NFATC2: variants seen among roughly 807,000 people sequenced by gnomAD.
The protein encoded by NFATC2 is nuclear factor of activated T cells 2.
NFATC2 carries 22 observed loss-of-function variants against 87.3 expected under a neutral mutation model. The ratio of observed to expected loss-of-function variants is 0.25; its 90% CI spans 0.18 to 0.36. The LOEUF (loss-of-function observed/expected upper bound fraction) is 0.36. Ranked by LOEUF, NFATC2 falls within the 10% of genes least tolerant of loss-of-function variation. The pLI, the probability that NFATC2 is intolerant of heterozygous loss-of-function variation, is 1.00. For synonymous variants in NFATC2, 565 were observed against 542.2 expected (o/e 1.04, Z -0.58); for missense variants, 1,149 against 1,259.1 (o/e 0.91, Z 1.32).
chr20:51,410,907 A>G (rs1373653386), intron 9 of NFATC2, among the ~76,000 whole-genome samples: 1 of 152,118 alleles, frequency 6.6e-6, no homozygotes, highest in Non-Finnish European at 1.5e-5. Flanking sequence ...GACTGTATGA[A>G]CCACAGAGCA....
intron 5 of NFATC2, 59 bp downstream of exon 5, chr20:51,473,921 G>A (rs1452394209): frequency 6.4e-7 from 1 of 1,572,010 alleles, no homozygotes; most frequent in Non-Finnish European, 8.7e-7. Flanking sequence ...CTGCTCCCGG[G>A]GGAAGCCCAC....
At chr20:51,506,682 G>A (rs549625127) in intron 3 of NFATC2, among the ~76,000 whole-genome samples, 1 of 152,334 alleles carries the variant, frequency 6.6e-6, no homozygotes, top group East Asian at 1.9e-4. Context: ...AGCAGGGCCA[G>A]CTGGTGACAC....
chr20:51,480,295 A>T lies in NFATC2; in HGVS notation c.1333-4635T>A, dbSNP rs895875671. Among the ~76,000 whole-genome samples, 3 of 151,990 alleles carry T rather than the reference A, an allele frequency of 2.0e-5. No homozygotes were observed. Among genetic ancestry groups the T allele is most frequent in the Non-Finnish European group, 4.4e-5 (3 of 67,998 alleles). The stretch of plus-strand genomic sequence containing the variant: ...AAAGCAAGACTCTGTCTCAAAAAAA[A>T]TAGAATGTGCTTCCTGCCGCACAGG... On this transcript the variant is annotated intron_variant, in intron 3 of 10. Transcript: ENST00000371564. This position sits in a 1 kb window ranked among gnomAD's most constrained non-coding sequence, Gnocchi z 4.2.
chr20:51,423,727 T>C (rs1390613976), intron 9 of NFATC2, among the ~76,000 whole-genome samples: 3 of 152,220 alleles, frequency 2.0e-5, no homozygotes, highest in African/African-American at 7.2e-5. Context: ...TGACACTGGA[T>C]GCTGCCTCTC....
intron 3 of NFATC2, among the ~76,000 whole-genome samples, chr20:51,491,571 G>A (rs149265139): frequency 6.6e-6 from 1 of 152,220 alleles, no homozygotes; most frequent in African/African-American, 2.4e-5. Context: ...TATGGAGCTG[G>A]GAGGAGAAGT....
rs146566350 is a variant in NFATC2 at position 51,504,300 on chromosome 20, G to A, written c.1332+12484C>T. Among the ~76,000 whole-genome samples, 491 of 152,246 alleles carry A rather than the reference G, an allele frequency of 3.2e-3. 1 individual carries two copies. Among genetic ancestry groups the A allele is most frequent in the African/African-American group, 9.1e-3 (378 of 41,532 alleles). Reference sequence around the variant, plus strand: ...GCCTCCCAAAGTGCTGGGATTACAGGAATTTTTGTATTTTCAGTAGAGCCG... The same window carrying A: ...GCCTCCCAAAGTGCTGGGATTACAGAAATTTTTGTATTTTCAGTAGAGCCG... On this transcript the variant is annotated intron_variant, in intron 3 of 10. Coordinates refer to ENST00000371564, the MANE Select transcript of NFATC2 (RefSeq NM_012340.5).
intron 3 of NFATC2, among the ~76,000 whole-genome samples, chr20:51,513,036 CT>C (rs1473312345): frequency 5.3e-5 from 8 of 151,944 alleles, no homozygotes; most frequent in African/African-American, 1.9e-4. Context: ...TTTTTTTAAA[CT>C]GACTTCCCAT....
At chr20:51,497,508 G>A (rs1355150721) in intron 3 of NFATC2, among the ~76,000 whole-genome samples, 4 of 152,000 alleles carry the variant, frequency 2.6e-5, no homozygotes, top group South Asian at 4.2e-4. Context: ...TGAAACCCCC[G>A]GTCCAGCCCC....
intron 3 of NFATC2, among the ~76,000 whole-genome samples, chr20:51,502,023 G>A (rs372542045): frequency 1.2e-4 from 19 of 152,154 alleles, no homozygotes; most frequent in Non-Finnish European, 2.5e-4. Context: ...ATAGTTTGAC[G>A]ACTCTTTTTC....
At chr20:51,492,798 C>A (rs1354486804) in intron 3 of NFATC2, among the ~76,000 whole-genome samples, 1 of 152,214 alleles carries the variant, frequency 6.6e-6, no homozygotes, top group Non-Finnish European at 1.5e-5. Context: ...ATAAAGCAGC[C>A]CCTTATCGCA....
At chr20:51,408,378 G>A (rs1978658907) in intron 9 of NFATC2, among the ~76,000 whole-genome samples, 1 of 151,874 alleles carries the variant, frequency 6.6e-6, no homozygotes, top group South Asian at 2.1e-4. Context: ...GCCGGGTGTG[G>A]TAGTGTGTGC....
intron 9 of NFATC2, among the ~76,000 whole-genome samples, chr20:51,420,381 A>C (rs1980698226): frequency 6.6e-6 from 1 of 152,220 alleles, no homozygotes; most frequent in Non-Finnish European, 1.5e-5. Flanking sequence ...AAAACAATTG[A>C]ATCTGAATGA....
At chr20:51,418,183 A>T (rs980222833) in intron 9 of NFATC2, among the ~76,000 whole-genome samples, 3 of 152,230 alleles carry the variant, frequency 2.0e-5, no homozygotes, top group Non-Finnish European at 4.4e-5. Context: ...CCAGTCCACC[A>T]GTAACAATCT....
At chr20:51,405,522 C>A (rs1988475373) in intron 9 of NFATC2, among the ~76,000 whole-genome samples, 1 of 152,226 alleles carries the variant, frequency 6.6e-6, no homozygotes, top group Admixed American at 6.5e-5. Context: ...TTCATAGGCA[C>A]TGCCTTTCAG....
At chr20:51,509,325 A>C (rs1465591081) in intron 3 of NFATC2, among the ~76,000 whole-genome samples, 3 of 152,214 alleles carry the variant, frequency 2.0e-5, no homozygotes, top group Admixed American at 2.0e-4. Flanking sequence ...CCCCCTAGCC[A>C]GCACATCAGC....
chr20:51,523,705 A>G lies in NFATC2; in HGVS notation c.536T>C (p.Ile179Thr). 1 of 1,612,590 alleles carries G rather than the reference A, an allele frequency of 6.2e-7. No individual in the cohort carries two copies. The highest frequency in any genetic ancestry group is 8.5e-7 in the Non-Finnish European group (1 of 1,179,194). Reference protein sequence around the residue: ...PASSGSSASFISDTFSPYTSP... With the variant: ...PASSGSSASFTSDTFSPYTSP... The stretch of plus-strand genomic sequence containing the variant: ...GGTGTAGGGGGAGAAGGTGTCAGAA[A>G]TGAAGCTGGCAGAGGAGCCGCTGCT... Residue 179 changes from isoleucine (I) to threonine (T), a missense_variant, in exon 2 of 11, where the codon ATT (isoleucine) becomes ACT (threonine). This residue lies in a region of NFATC2 where 563 missense variants were observed against 585.2 expected (regional missense o/e 0.96). Transcript: ENST00000371564. The surrounding 1 kb of genome is among the most constrained non-coding windows in gnomAD (Gnocchi z 6.9).
At chr20:51,434,772 T>G (rs1983306427) in intron 8 of NFATC2, among the ~76,000 whole-genome samples, 1 of 152,140 alleles carries the variant, frequency 6.6e-6, no homozygotes, top group South Asian at 2.1e-4. Context: ...CATTAGGCCA[T>G]GGGGTGATGA....
intron 1 of NFATC2, among the ~76,000 whole-genome samples, chr20:51,526,046 C>T (rs2076540803): frequency 6.6e-6 from 1 of 151,912 alleles, no homozygotes; most frequent in South Asian, 2.1e-4. Flanking sequence ...ACCCTCCCCG[C>T]GAGATCCTCC....
At chr20:51,452,103 T>G (rs1230626313) in intron 6 of NFATC2, among the ~76,000 whole-genome samples, 1 of 151,938 alleles carries the variant, frequency 6.6e-6, no homozygotes, top group African/African-American at 2.4e-5. Context: ...AGAGCAGACT[T>G]TACCTTCATC....
Sources: allele counts gnomAD v4.1 joint callset (sites outside exome capture counted in the v4.1 genomes callset), GRCh38; gene constraint gnomAD v4.1.1; regional missense constraint gnomAD v4.1.1; non-coding constraint Gnocchi (gnomAD v3.1); transcripts MANE v1.5; gene names NCBI Gene and HGNC (gene_info 2026-07-23, HGNC 2026-07-21).